RAB2A: variants seen among roughly 807,000 people sequenced by gnomAD.
RAB2A encodes the protein ras-related protein Rab-2A.
In RAB2A, 7 loss-of-function variants were observed where a neutral mutation model predicts 32.5. The ratio of observed to expected loss-of-function variants is 0.22; its 90% CI spans 0.12 to 0.40. The LOEUF is 0.40. RAB2A is among the 10% of genes least tolerant of loss of function. The probability of loss-of-function intolerance (pLI) is 1.00; values close to 1 mark genes in which losing one functional copy is unlikely to be tolerated. For synonymous variants in RAB2A, 79 were observed against 85.2 expected (o/e 0.93, Z 0.40); for missense variants, 108 against 260.7 (o/e 0.41, Z 4.03).
intron 1 of RAB2A, among the ~76,000 whole-genome samples, chr8:60,530,172 A>T (rs1309089022): frequency 2.2e-5 from 3 of 136,368 alleles, no homozygotes; most frequent in East Asian, 2.1e-4. Context: ...TGAGAGAGAG[A>T]GAGTCTCGCT....
chr8:60,528,828 G>GCC (rs1242994333), intron 1 of RAB2A, among the ~76,000 whole-genome samples: 1 of 152,076 alleles, frequency 6.6e-6, no homozygotes, highest in Non-Finnish European at 1.5e-5. Flanking sequence ...TCCCGCCTCA[G>GCC]CCCCCCGAAA....
At chr8:60,569,555 G>T (rs1010743723) in intron 2 of RAB2A, among the ~76,000 whole-genome samples, 1 of 152,108 alleles carries the variant, frequency 6.6e-6, no homozygotes, top group Non-Finnish European at 1.5e-5. Context: ...CTGTCACCCA[G>T]GCTGGAAAGC....
chr8:60,599,446 T>C (rs949844361), intron 6 of RAB2A, among the ~76,000 whole-genome samples: 1 of 152,092 alleles, frequency 6.6e-6, no homozygotes, highest in Non-Finnish European at 1.5e-5. Flanking sequence ...TTATAAAATA[T>C]ATATGGAAAG....
In RAB2A at chr8:60,608,312, C is replaced by CT. The variant is rs912900136; in HGVS notation, c.475-10259dup. 1.1e-4 allele frequency among the ~76,000 whole-genome samples: 17 copies of CT among 151,238 alleles called. 1 individual carries two copies. The highest frequency in any genetic ancestry group is 3.2e-4 in the African/African-American group (13 of 41,126). ...GGCGCCCAAAAAGCAAGAATTATACCTTTTTTTTTCTGCTTTTCTGTTCTT... is the reference window on the plus strand; with the variant it reads ...GGCGCCCAAAAAGCAAGAATTATACCTTTTTTTTTTCTGCTTTTCTGTTCTT... On this transcript the variant is annotated intron_variant, in intron 6 of 7. Transcript: ENST00000262646.
chr8:60,600,821 G>C (rs867362945), intron 6 of RAB2A, among the ~76,000 whole-genome samples: 1 of 152,160 alleles, frequency 6.6e-6, no homozygotes, highest in African/African-American at 2.4e-5. Context: ...ATTCTCAAAA[G>C]GTTGATCCTG....
Position 60,517,177 on chromosome 8 carries a change from C to T in RAB2A, c.-31C>T. 1.4e-6 allele frequency: 2 copies of T among 1,477,606 alleles called. No homozygotes were observed. The highest frequency in any genetic ancestry group is 1.8e-6 in the Non-Finnish European group (2 of 1,111,552). The allele number at this position is 1,477,606 out of a possible 1,614,324, so 91.5% of individuals were successfully genotyped here. A position where few individuals can be genotyped will look rare whatever the true frequency, so the allele number is the denominator to read the frequency against. On this transcript the variant is annotated 5_prime_UTR_variant, in exon 1 of 8. Coordinates refer to ENST00000262646, the MANE Select transcript of RAB2A (RefSeq NM_002865.3). ...GGAGGAGCAGCAGCGGGAGGAGGAG[C>T]CGTGTGCCCTGGCACTGAGCGGCCG... is the stretch of plus-strand genomic sequence containing the variant.
intron 6 of RAB2A, among the ~76,000 whole-genome samples, chr8:60,605,852 T>TATATAA (rs777621349): frequency 4.3e-4 from 62 of 144,752 alleles, no homozygotes; most frequent in Middle Eastern, 3.6e-3. Context: ...TATATATATA[T>TATATAA]AATGCTTCAT....
At chr8:60,539,674 G>C (rs1807610019) in intron 1 of RAB2A, among the ~76,000 whole-genome samples, 1 of 152,200 alleles carries the variant, frequency 6.6e-6, no homozygotes, top group Non-Finnish European at 1.5e-5. Flanking sequence ...AGCTGTGCTT[G>C]TAGAATATAA....
At chr8:60,585,327 G>C (rs975217069) in intron 5 of RAB2A, among the ~76,000 whole-genome samples, 27 of 146,776 alleles carry the variant, frequency 1.8e-4, no homozygotes, top group Admixed American at 1.8e-3. Context: ...GTTTTGTTTT[G>C]TTTGAGACAG....
intron 5 of RAB2A, among the ~76,000 whole-genome samples, chr8:60,589,055 G>T (rs1803892854): frequency 6.6e-6 from 1 of 152,144 alleles, no homozygotes; most frequent in Non-Finnish European, 1.5e-5. Flanking sequence ...CTATTGGAGG[G>T]AAGTTTTAGT....
At chr8:60,553,826 AGTTTTG>A (rs1807894332) in intron 1 of RAB2A, among the ~76,000 whole-genome samples, 1 of 152,214 alleles carries the variant, frequency 6.6e-6, no homozygotes, top group African/African-American at 2.4e-5. Flanking sequence ...CTAAACCATT[AGTTTTG>A]CTTGGGGATT....
chr8:60,526,854 A>T (rs1807399492), intron 1 of RAB2A, among the ~76,000 whole-genome samples: 1 of 151,894 alleles, frequency 6.6e-6, no homozygotes, highest in Non-Finnish European at 1.5e-5. Flanking sequence ...CTGTAATCCC[A>T]GCTACTTGGG....
At chr8:60,526,163 G>A (rs1166029867) in intron 1 of RAB2A, among the ~76,000 whole-genome samples, 1 of 151,770 alleles carries the variant, frequency 6.6e-6, no homozygotes, top group African/African-American at 2.4e-5. Flanking sequence ...TCACTGGGAT[G>A]AAATCCAGGT....
At chr8:60,567,908 A>G (rs1450458669) in intron 2 of RAB2A, among the ~76,000 whole-genome samples, 3 of 152,162 alleles carry the variant, frequency 2.0e-5, no homozygotes, top group Non-Finnish European at 4.4e-5. Flanking sequence ...AATAATTTCC[A>G]AATTGAAAAT....
chr8:60,531,412 A>G (rs1196682528), intron 1 of RAB2A, among the ~76,000 whole-genome samples: 3 of 152,218 alleles, frequency 2.0e-5, no homozygotes, highest in South Asian at 2.1e-4. Context: ...GGAAAAACCA[A>G]TAGCAATGCC....
intron 1 of RAB2A, among the ~76,000 whole-genome samples, chr8:60,554,103 T>A (rs1807898890): frequency 6.6e-6 from 1 of 152,224 alleles, no homozygotes; most frequent in Admixed American, 6.5e-5. Flanking sequence ...TTGAAGAGCT[T>A]GAATTTTTAT....
intron 3 of RAB2A, among the ~76,000 whole-genome samples, chr8:60,576,855 T>A (rs540765562): frequency 3.3e-4 from 50 of 152,216 alleles, no homozygotes; most frequent in Non-Finnish European, 6.2e-4. Flanking sequence ...TTGAGGGGCT[T>A]AGAGCTCCAA....
intron 2 of RAB2A, among the ~76,000 whole-genome samples, chr8:60,570,436 A>T (rs1330693126): frequency 6.6e-6 from 1 of 152,106 alleles, no homozygotes; most frequent in Non-Finnish European, 1.5e-5. Context: ...GAACATCTGT[A>T]TCTTACTTAG....
intron 6 of RAB2A, among the ~76,000 whole-genome samples, chr8:60,596,129 C>T (rs1306516165): frequency 4.6e-5 from 7 of 152,216 alleles, no homozygotes; most frequent in East Asian, 3.9e-4. Context: ...CTTCCTTATA[C>T]GTTATACAAA....
Sources: gnomAD v4.1 joint callset for allele counts (sites outside exome capture counted in the v4.1 genomes callset) on GRCh38, gnomAD v4.1.1 for gene constraint, MANE v1.5 for transcripts, NCBI Gene and HGNC (gene_info 2026-07-23, HGNC 2026-07-21) for gene names.